KLF8: variants seen among roughly 807,000 people sequenced by gnomAD.
KLF8 encodes the protein KLF transcription factor 8.
Under a neutral mutation model 18.2 loss-of-function variants are expected in KLF8, and 10 were observed. The observed-to-expected ratio is 0.55, with a 90% CI of 0.34 to 0.93. KLF8 has a LOEUF of 0.93. Among genes scored for constraint, KLF8 ranks in the 40% least tolerant of loss-of-function variants. The pLI is 0.02. For synonymous variants in KLF8, 109 were observed against 97.3 expected (o/e 1.12, Z -0.71); for missense variants, 264 against 277.9 (o/e 0.95, Z 0.36).
At chrX:56,026,311 C>T in the KLF8 span, among the ~76,000 whole-genome samples, 1 of 111,777 alleles carries the variant, frequency 8.9e-6, no homozygotes, top group East Asian at 2.8e-4. Context: ...AATAAGCTGA[C>T]CAGGCACCTC....
At chrX:56,249,479 C>G (rs1023977200) in intron 1 of KLF8, among the ~76,000 whole-genome samples, 1 of 111,925 alleles carries the variant, frequency 8.9e-6, no homozygotes, top group South Asian at 3.8e-4. Flanking sequence ...AAGGAGGAAG[C>G]TTTAAGCTAA....
At chrX:56,256,928 C>G (rs1226815644) in intron 2 of KLF8, among the ~76,000 whole-genome samples, 2 of 111,873 alleles carry the variant, frequency 1.8e-5, no homozygotes, top group African/African-American at 6.5e-5. Context: ...GTCTCGAACT[C>G]CCAACCTCAG....
the KLF8 span, among the ~76,000 whole-genome samples, chrX:55,967,455 C>A: frequency 9.3e-6 from 1 of 107,910 alleles, no homozygotes; most frequent in Admixed American, 1.0e-4. Context: ...GAAAGAGTGG[C>A]ATGTATTTAA....
At chrX:56,016,638 G>A in the KLF8 span, among the ~76,000 whole-genome samples, 1 of 111,424 alleles carries the variant, frequency 9.0e-6, no homozygotes, top group Non-Finnish European at 1.9e-5. Flanking sequence ...TTATAGATGG[G>A]AAACTAAGGC....
chrX:56,009,268 C>T, the KLF8 span, among the ~76,000 whole-genome samples: 1 of 111,388 alleles, frequency 9.0e-6, no homozygotes, highest in Non-Finnish European at 1.9e-5. Flanking sequence ...TGTTCCTCAG[C>T]CTCCACTGAT....
At chrX:56,084,564 G>A in the KLF8 span, among the ~76,000 whole-genome samples, 1 of 111,889 alleles carries the variant, frequency 8.9e-6, no homozygotes, top group African/African-American at 3.2e-5. Flanking sequence ...AACTCATTAA[G>A]CTTCAAAGTA....
chrX:56,092,604 G>T, the KLF8 span, among the ~76,000 whole-genome samples: 6 of 110,785 alleles, frequency 5.4e-5, no homozygotes, highest in East Asian at 1.1e-3. Flanking sequence ...AGCTTTATTT[G>T]TTGGTTCTCT....
the KLF8 span, among the ~76,000 whole-genome samples, chrX:55,943,969 C>T: frequency 8.9e-6 from 1 of 112,054 alleles, no homozygotes; most frequent in African/African-American, 3.2e-5. Context: ...GACAAATTCA[C>T]TGTTTTTGTT....
chrX:56,097,662 T>TCCCCCCTC, the KLF8 span, among the ~76,000 whole-genome samples: 1 of 46,885 alleles, frequency 2.1e-5, no homozygotes, highest in African/African-American at 8.9e-5. Context: ...ATGCTATCCC[T>TCCCCCCTC]CCCCCTCCCC....
chrX:56,198,898 A>G, the KLF8 span, among the ~76,000 whole-genome samples: 1 of 111,842 alleles, frequency 8.9e-6, no homozygotes, highest in Non-Finnish European at 1.9e-5. Context: ...AGAGTTATAG[A>G]CCAAAGGAAC....
intron 1 of KLF8, among the ~76,000 whole-genome samples, chrX:56,235,050 A>G (rs371188996): frequency 2.7e-5 from 3 of 111,169 alleles, no homozygotes; most frequent in African/African-American, 3.3e-5. Context: ...GGAAAAAAAT[A>G]ACCATGTAGC....
chrX:56,090,406 A>G, the KLF8 span, among the ~76,000 whole-genome samples: 46 of 112,196 alleles, frequency 4.1e-4, no homozygotes, highest in African/African-American at 1.4e-3. Context: ...AAGACAAAAC[A>G]TGCAATACGA....
At chrX:56,043,390 T>A in the KLF8 span, among the ~76,000 whole-genome samples, 58 of 111,548 alleles carry the variant, frequency 5.2e-4, no homozygotes, top group Middle Eastern at 9.2e-3. Context: ...TTCTCCTGGA[T>A]GATATCCTGA....
the KLF8 span, among the ~76,000 whole-genome samples, chrX:56,020,940 C>G: frequency 8.9e-6 from 1 of 111,895 alleles, no homozygotes; most frequent in Non-Finnish European, 1.9e-5. Flanking sequence ...ATATTGTTCC[C>G]TTTGCCTCAA....
the KLF8 span, among the ~76,000 whole-genome samples, chrX:55,934,711 A>G: frequency 8.9e-6 from 1 of 112,230 alleles, no homozygotes. Flanking sequence ...AGAAATCACA[A>G]TGTTATTCGT....
chrX:56,248,321 AGT>A (rs967763914), intron 1 of KLF8, among the ~76,000 whole-genome samples: 4 of 111,083 alleles, frequency 3.6e-5, no homozygotes, highest in Non-Finnish European at 7.5e-5. Context: ...AAAAAAGAAC[AGT>A]GTCGTATCTG....
chrX:56,068,078 G>A, the KLF8 span, among the ~76,000 whole-genome samples: 1 of 112,146 alleles, frequency 8.9e-6, no homozygotes, highest in African/African-American at 3.2e-5. Flanking sequence ...CTCAGCTTTA[G>A]GGTGAAGCCT....
chrX:56,061,448 T>C, the KLF8 span, among the ~76,000 whole-genome samples: 2 of 111,887 alleles, frequency 1.8e-5, no homozygotes, highest in Non-Finnish European at 3.8e-5. Context: ...GAGCAGGTTG[T>C]TCAGTTTCCA....
the KLF8 span, among the ~76,000 whole-genome samples, chrX:56,014,072 C>G: frequency 1.8e-5 from 2 of 111,168 alleles, no homozygotes; most frequent in Non-Finnish European, 3.8e-5. Context: ...GACATAGGCA[C>G]GGGCAAAGAT....
Sources: gnomAD v4.1 joint callset for allele counts (sites outside exome capture counted in the v4.1 genomes callset) on GRCh38, gnomAD v4.1.1 for gene constraint, MANE v1.5 for transcripts, NCBI Gene and HGNC (gene_info 2026-07-23, HGNC 2026-07-21) for gene names.